CNTNAP4: variants seen among roughly 807,000 people sequenced by gnomAD.
CNTNAP4 encodes the protein contactin associated protein family member 4, also known as contactin-associated protein-like 4.
CNTNAP4 carries 98 observed loss-of-function variants against 148.4 expected under a neutral mutation model. The ratio of observed to expected loss-of-function variants is 0.66; its 90% CI spans 0.56 to 0.78. CNTNAP4 has a LOEUF of 0.78. CNTNAP4 is among the 30% of genes least tolerant of loss of function. The pLI, the probability that CNTNAP4 is intolerant of heterozygous loss-of-function variation, is 0.00. For missense variants in CNTNAP4, 1,935 were observed against 1,565.6 expected (o/e 1.24, Z -3.98); for synonymous variants, 730 against 565.1 (o/e 1.29, Z -4.14).
At chr16:76,309,904 A>G (rs1960911095) in intron 1 of CNTNAP4, 1 of 701,772 alleles carries the variant, frequency 1.4e-6, no homozygotes, top group Non-Finnish European at 2.6e-6. Context: ...GCTATGTGGA[A>G]CTGTGAGTCC....
chr16:76,298,587 C>T (rs755511188), intron 1 of CNTNAP4, among the ~76,000 whole-genome samples: 25 of 150,510 alleles, frequency 1.7e-4, no homozygotes, highest in African/African-American at 3.4e-4. Flanking sequence ...TCCACCCAAG[C>T]GGAAGAATTC....
intron 3 of CNTNAP4, among the ~76,000 whole-genome samples, chr16:76,406,431 C>T (rs889652353): frequency 1.3e-5 from 2 of 151,834 alleles, no homozygotes; most frequent in African/African-American, 4.8e-5. Context: ...CTTACAATGG[C>T]CTCTAAGTAT....
chr16:76,511,940 G>A (rs1397125225), intron 15 of CNTNAP4, among the ~76,000 whole-genome samples: 2 of 152,030 alleles, frequency 1.3e-5, no homozygotes, highest in Non-Finnish European at 2.9e-5. Context: ...CAGGAGTGGG[G>A]TAATTTTAAA....
chr16:76,549,608 G>A (rs1185228096), intron 21 of CNTNAP4, among the ~76,000 whole-genome samples: 1 of 151,966 alleles, frequency 6.6e-6, no homozygotes, highest in East Asian at 1.9e-4. Context: ...GGCTTAGTAA[G>A]AGTACTTTAA....
chr16:76,556,944 GT>G (rs1412990901), intron 23 of CNTNAP4, among the ~76,000 whole-genome samples: 1 of 152,138 alleles, frequency 6.6e-6, no homozygotes, highest in Non-Finnish European at 1.5e-5. Flanking sequence ...ACAGGAATCT[GT>G]TGTGATTAAT....
chr16:76,495,356 TA>T (rs1471969469), intron 14 of CNTNAP4, among the ~76,000 whole-genome samples: 2 of 152,080 alleles, frequency 1.3e-5, no homozygotes, highest in African/African-American at 4.8e-5. Flanking sequence ...AAACTATATA[TA>T]AGTAGATATT....
chr16:76,386,135 T>C (rs1463859119), intron 3 of CNTNAP4, among the ~76,000 whole-genome samples: 1 of 152,308 alleles, frequency 6.6e-6, no homozygotes, highest in East Asian at 1.9e-4. Flanking sequence ...CACATAAAGC[T>C]TTGATTTGGG....
At position 76,403,458 on chromosome 16, in the gene CNTNAP4, C is replaced by G. The variant is rs146073154; in HGVS notation, c.391-23994C>G. ...GCATATGAAGAAAATCCCAATATCACTGATCATTAGAGAAATACAAATCAA... is the reference window on the plus strand; with the variant it reads ...GCATATGAAGAAAATCCCAATATCAGTGATCATTAGAGAAATACAAATCAA... On this transcript the variant is annotated intron_variant, in intron 3 of 23. Transcript: ENST00000611870. 2.6e-5 allele frequency among the ~76,000 whole-genome samples: 4 copies of G among 152,250 alleles called. No homozygotes were observed. The East Asian group carries it at 7.7e-4, about 29-fold the overall frequency.
At chr16:76,524,932 T>A (rs1227573065) in intron 17 of CNTNAP4, among the ~76,000 whole-genome samples, 9 of 151,916 alleles carry the variant, frequency 5.9e-5, no homozygotes, top group Non-Finnish European at 1.2e-4. Flanking sequence ...CAAGCTGACA[T>A]GATTTAGTGT....
chr16:76,497,619 C>G (rs923620131), intron 14 of CNTNAP4, among the ~76,000 whole-genome samples: 3 of 150,660 alleles, frequency 2.0e-5, no homozygotes, highest in African/African-American at 7.3e-5. Flanking sequence ...ACTGCATGTT[C>G]TCACTCATAA....
Position 76,460,773 on chromosome 16 carries a change from A to ATAT in CNTNAP4, c.1334-1183_1334-1182insTAT, listed in dbSNP as rs1555564517. Among the ~76,000 whole-genome samples the ATAT allele has an allele frequency of 1.7e-3, 98 of 57,328 alleles. 10 individuals carry two copies. The highest frequency in any genetic ancestry group is 2.0e-3 in the Non-Finnish European group (60 of 30,512). 37.6% of individuals were successfully genotyped at this position (57,328 alleles called of 152,430 possible). A position where few individuals can be genotyped will look rare whatever the true frequency, so the allele number is the denominator to read the frequency against. On this transcript the variant is annotated intron_variant, in intron 8 of 23. Coordinates refer to ENST00000611870, the MANE Select transcript of CNTNAP4 (RefSeq NM_033401.5). ...TGTCTCAAAAAAAAAAAAAAAAAAA[A>ATAT]ATATATATATATATATATATATTTA... is the stretch of plus-strand genomic sequence containing the variant.
chr16:76,306,606 G>C (rs75940895), intron 1 of CNTNAP4, among the ~76,000 whole-genome samples: 1 of 152,182 alleles, frequency 6.6e-6, no homozygotes, highest in African/African-American at 2.4e-5. Context: ...AAGATGATTC[G>C]CATACGTCCA....
In CNTNAP4 at chr16:76,522,169, C is replaced by T. The variant is rs369480579; in HGVS notation, c.2667C>T (p.Ser889=). The T allele has an allele frequency of 1.2e-6, 2 of 1,613,946 alleles. No homozygotes were observed. The highest frequency in any genetic ancestry group is 1.7e-6 in the Non-Finnish European group (2 of 1,179,870). Residue 889 remains serine (S), a synonymous_variant, in exon 17 of 24, where the codon TCC becomes TCT. Transcript: ENST00000611870. ...VRVERNMKEA[S]LQVDQLTPKT... is the part of the protein sequence containing the mutation. Reference sequence around the variant, plus strand: ...TTGAAAGGAACATGAAGGAGGCCTCCCTTCAAGTGGATCAGCTGACACCAA... The same window carrying T: ...TTGAAAGGAACATGAAGGAGGCCTCTCTTCAAGTGGATCAGCTGACACCAA...
intron 3 of CNTNAP4, among the ~76,000 whole-genome samples, chr16:76,400,338 A>T (rs1026092143): frequency 2.6e-5 from 4 of 152,192 alleles, no homozygotes; most frequent in Non-Finnish European, 5.9e-5. Flanking sequence ...TCATTTAGCA[A>T]ATTTGAAATA....
intron 1 of CNTNAP4, among the ~76,000 whole-genome samples, chr16:76,296,659 A>AGAGG (rs1394214828): frequency 6.6e-6 from 1 of 152,144 alleles, no homozygotes; most frequent in East Asian, 1.9e-4. Context: ...AGAGAGAGAG[A>AGAGG]GAGAAGAAAG....
intron 15 of CNTNAP4, among the ~76,000 whole-genome samples, chr16:76,503,894 A>T (rs958720867): frequency 2.6e-5 from 4 of 152,164 alleles, no homozygotes; most frequent in African/African-American, 9.6e-5. Flanking sequence ...TACCATTTTT[A>T]TACTAGCACC....
At chr16:76,552,933 A>G (rs1193820138) in intron 21 of CNTNAP4, among the ~76,000 whole-genome samples, 1 of 152,174 alleles carries the variant, frequency 6.6e-6, no homozygotes, top group Non-Finnish European at 1.5e-5. Flanking sequence ...ACCTCTTGAT[A>G]TTGACTACAA....
intron 15 of CNTNAP4, among the ~76,000 whole-genome samples, chr16:76,498,918 G>T (rs898144278): frequency 6.6e-6 from 1 of 152,134 alleles, no homozygotes; most frequent in Non-Finnish European, 1.5e-5. Flanking sequence ...AGAATGGGAA[G>T]TTACAGTTTA....
intron 17 of CNTNAP4, among the ~76,000 whole-genome samples, chr16:76,529,843 C>CTGTGTGTGTGTGTGTG (rs35748962): frequency 6.7e-6 from 1 of 148,352 alleles, no homozygotes; most frequent in South Asian, 2.1e-4. Context: ...TGAATCTCAG[C>CTGTGTGTGTGTGTGTG]TGTGTGTGTG....
Sources: gnomAD v4.1 joint callset for allele counts (sites outside exome capture counted in the v4.1 genomes callset) on GRCh38, gnomAD v4.1.1 for gene constraint, MANE v1.5 for transcripts, NCBI Gene and HGNC (gene_info 2026-07-23, HGNC 2026-07-21) for gene names.